The following ITGAE variants were observed in gnomAD, a reference collection of about 807,000 sequenced individuals.
ITGAE encodes integrin alpha-E.
In ITGAE, 99 loss-of-function variants were observed where a neutral mutation model predicts 136.5. That is an observed-to-expected ratio of 0.73 (90% confidence interval 0.62 to 0.86). The LOEUF is 0.86. Among genes scored for constraint, ITGAE ranks in the 40% least tolerant of loss-of-function variants. The pLI, the probability that ITGAE is intolerant of heterozygous loss-of-function variation, is 0.00. For synonymous variants in ITGAE, 613 were observed against 591.8 expected (o/e 1.04, Z -0.52); for missense variants, 1,447 against 1,515.3 (o/e 0.95, Z 0.75).
intron 2 of ITGAE, among the ~76,000 whole-genome samples, chr17:3,766,576 C>T (rs923687508): frequency 5.3e-5 from 8 of 151,912 alleles, no homozygotes; most frequent in African/African-American, 1.2e-4. Flanking sequence ...CCGAGGCAGG[C>T]GGATCACCTG....
At chr17:3,735,947 C>T (rs1468710792) in intron 20 of ITGAE, among the ~76,000 whole-genome samples, 1 of 152,118 alleles carries the variant, frequency 6.6e-6, no homozygotes, top group Non-Finnish European at 1.5e-5. Flanking sequence ...AGTTCAAGAC[C>T]AGCCTGGCCA....
intron 26 of ITGAE, 27 bp downstream of exon 26, chr17:3,727,892 G>A: frequency 7.4e-7 from 1 of 1,357,588 alleles, no homozygotes; most frequent in Non-Finnish European, 1.1e-6. Context: ...AAAGAGGTGT[G>A]ACTGATAAAG....
chr17:3,788,414 C>T (rs973750430), intron 1 of ITGAE, among the ~76,000 whole-genome samples: 2 of 148,004 alleles, frequency 1.4e-5, no homozygotes, highest in Non-Finnish European at 3.0e-5. Flanking sequence ...CTCAGCCTTT[C>T]GAGTAGCTGG....
intron 26 of ITGAE, 123 bp from the exon 27 acceptor site, chr17:3,723,867 G>A: frequency 1.3e-6 from 2 of 1,519,078 alleles, no homozygotes; most frequent in Non-Finnish European, 1.8e-6. Flanking sequence ...CCCCGCGGCA[G>A]GCGGGCGCGT....
intron 14 of ITGAE, among the ~76,000 whole-genome samples, chr17:3,752,756 A>G (rs1044270481): frequency 8.3e-4 from 126 of 151,552 alleles, no homozygotes; most frequent in African/African-American, 2.9e-3. Context: ...GTCTCGGAAA[A>G]AAAAAAAAAA....
chr17:3,759,030 C>T (rs1417321548), intron 8 of ITGAE, among the ~76,000 whole-genome samples: 3 of 150,588 alleles, frequency 2.0e-5, no homozygotes, highest in Non-Finnish European at 4.4e-5. Context: ...GAGGCTGAGG[C>T]AGGAGAATGG....
chr17:3,794,748 G>A (rs747301665), intron 1 of ITGAE, among the ~76,000 whole-genome samples: 3 of 152,106 alleles, frequency 2.0e-5, no homozygotes, highest in Non-Finnish European at 4.4e-5. Flanking sequence ...GTCACTCTGG[G>A]GAAAAAACAG....
intron 3 of ITGAE, among the ~76,000 whole-genome samples, chr17:3,762,345 A>T (rs1220985067): frequency 6.6e-6 from 1 of 152,086 alleles, no homozygotes; most frequent in African/African-American, 2.4e-5. Flanking sequence ...GTGGGTATGT[A>T]AGTGCCAAGG....
At chr17:3,796,148 C>CGTGTGT (rs71155807) in intron 1 of ITGAE, among the ~76,000 whole-genome samples, 1 of 130,392 alleles carries the variant, frequency 7.7e-6, no homozygotes, top group Non-Finnish European at 1.6e-5. Context: ...TGTGTGCATC[C>CGTGTGT]GTGTGTGTGT....
At chr17:3,800,865 C>CAG (rs1260184699) in intron 1 of ITGAE, among the ~76,000 whole-genome samples, 4 of 152,200 alleles carry the variant, frequency 2.6e-5, no homozygotes, top group Non-Finnish European at 5.9e-5. Flanking sequence ...AACAGAATGG[C>CAG]AGAGCCCTGG....
chr17:3,739,794 G>T lies in ITGAE; in HGVS notation c.2522+11C>A. On this transcript the variant is annotated intron_variant, in intron 20 of 30. Transcript: ENST00000263087. ...GTTAATCGAGGAAACTGACGGCTATGTCCAACTCACTGAGAGACGGTGGTG... is the reference window on the plus strand; with the variant it reads ...GTTAATCGAGGAAACTGACGGCTATTTCCAACTCACTGAGAGACGGTGGTG... 1 of 1,612,430 alleles carries T rather than the reference G, an allele frequency of 6.2e-7. No homozygotes were observed. The highest frequency in any genetic ancestry group is 1.7e-5 in the Admixed American group (1 of 60,026).
Position 3,731,151 on chromosome 17 carries a change from C to T in ITGAE, c.2787G>A (p.Glu929=), listed in dbSNP as rs768054601. ...AHVSVVWQLE[E]NAFPNRTADI... ...CTGCTGTCCTGTTTGGAAAGGCATT[C>T]TCCTCTAGCTGCCAAACGACTGAAA... Residue 929 remains glutamate, a synonymous_variant, in exon 23 of 31, where the codon GAG becomes GAA. Coordinates refer to ENST00000263087, the MANE Select transcript of ITGAE (RefSeq NM_002208.5). 6.8e-6 allele frequency: 11 copies of T among 1,613,592 alleles called. No homozygotes were observed. Among genetic ancestry groups the T allele is most frequent in the Non-Finnish European group, 9.3e-6 (11 of 1,179,778 alleles).
intron 3 of ITGAE, 135 bp downstream of exon 3, chr17:3,763,734 G>C (rs1464842766): frequency 9.7e-6 from 7 of 721,734 alleles, no homozygotes; most frequent in Non-Finnish European, 1.7e-5. Context: ...ATCTTGCTGT[G>C]GGTTATGCTG....
chr17:3,752,347 C>T (rs998722904), intron 14 of ITGAE, among the ~76,000 whole-genome samples: 2 of 152,212 alleles, frequency 1.3e-5, no homozygotes, highest in Non-Finnish European at 2.9e-5. Flanking sequence ...CACTGAGGCT[C>T]GCCGAGCCCC....
At chr17:3,782,948 C>T (rs755086223) in intron 1 of ITGAE, among the ~76,000 whole-genome samples, 2 of 152,140 alleles carry the variant, frequency 1.3e-5, no homozygotes, top group Admixed American at 6.5e-5. Flanking sequence ...AACAAATCTG[C>T]GTTGCATGTC....
At chr17:3,750,253 C>G in intron 16 of ITGAE, 99 bp downstream of exon 16, 1 of 1,504,192 alleles carries the variant, frequency 6.6e-7, no homozygotes, top group Non-Finnish European at 8.9e-7. Context: ...ACGGTGCTGG[C>G]TCCCTCCCTC....
chr17:3,784,821 T>C (rs1379025466), intron 1 of ITGAE, among the ~76,000 whole-genome samples: 2 of 152,140 alleles, frequency 1.3e-5, no homozygotes, highest in Non-Finnish European at 2.9e-5. Flanking sequence ...TATACTAGAA[T>C]CTAAACCAAT....
intron 3 of ITGAE, among the ~76,000 whole-genome samples, chr17:3,763,637 A>G (rs1180046405): frequency 6.6e-6 from 1 of 152,128 alleles, no homozygotes; most frequent in African/African-American, 2.4e-5. Flanking sequence ...AATACGCTGT[A>G]GGTATCATTT....
At chr17:3,722,181 G>C (rs552556321) in intron 28 of ITGAE, among the ~76,000 whole-genome samples, 2 of 143,192 alleles carry the variant, frequency 1.4e-5, no homozygotes, top group South Asian at 4.5e-4. Flanking sequence ...AGAAAGAAAA[G>C]AAAAGAAAAG....
Sources: gnomAD v4.1 joint callset for allele counts (sites outside exome capture counted in the v4.1 genomes callset) on GRCh38, gnomAD v4.1.1 for gene constraint, MANE v1.5 for transcripts, NCBI Gene and HGNC (gene_info 2026-07-23, HGNC 2026-07-21) for gene names.